Variants in DSE observed in about 807,000 individuals in gnomAD.
DSE encodes the protein dermatan sulfate epimerase.
In DSE, 36 loss-of-function variants were observed where a neutral mutation model predicts 84.4. The observed-to-expected ratio is 0.43, with a 90% CI of 0.33 to 0.56. The LOEUF (loss-of-function observed/expected upper bound fraction) is 0.56, where lower values mean the gene tolerates loss of function less well. Among genes scored for constraint, DSE ranks in the 20% least tolerant of loss-of-function variants. The pLI, the probability that DSE is intolerant of heterozygous loss-of-function variation, is 0.06. For synonymous variants in DSE, 410 were observed against 430.1 expected (o/e 0.95, Z 0.58); for missense variants, 862 against 1,169.6 (o/e 0.74, Z 3.84).
intron 2 of DSE, among the ~76,000 whole-genome samples, chr6:116,364,115 T>C (rs761389341): frequency 2.0e-5 from 3 of 152,252 alleles, no homozygotes; most frequent in Admixed American, 6.5e-5. Context: ...AGTTTCCTTA[T>C]ACTTTTCTCA....
intron 2 of DSE, among the ~76,000 whole-genome samples, chr6:116,317,023 G>A (rs1161591230): frequency 2.0e-5 from 3 of 152,088 alleles, no homozygotes; most frequent in African/African-American, 7.2e-5. Flanking sequence ...AAATGTGAAG[G>A]GATCCCAGAG....
chr6:116,338,413 G>A (rs918704146), intron 2 of DSE, among the ~76,000 whole-genome samples: 6 of 151,586 alleles, frequency 4.0e-5, no homozygotes, highest in Non-Finnish European at 7.4e-5. Flanking sequence ...TAGTAGAGAC[G>A]GGGTTTCACT....
intron 3 of DSE, among the ~76,000 whole-genome samples, chr6:116,430,417 A>AT (rs1231019300): frequency 1.2e-4 from 19 of 152,272 alleles, no homozygotes; most frequent in Admixed American, 1.2e-3. Context: ...AAAAATCTTA[A>AT]TATACAAATC....
chr6:116,318,499 C>CT (rs1379375016), intron 2 of DSE, among the ~76,000 whole-genome samples: 2 of 87,262 alleles, frequency 2.3e-5, no homozygotes, highest in East Asian at 6.4e-4. Flanking sequence ...GAGATTCCAT[C>CT]TCAAAAGAAA....
intron 1 of DSE, chr6:116,255,806 C>T (rs1772118906): frequency 6.6e-6 from 1 of 152,110 alleles, no homozygotes; most frequent in Non-Finnish European, 1.5e-5. Context: ...GTTACTTTTC[C>T]ATGCAGCAGG....
chr6:116,426,461 C>T, intron 2 of DSE, 113 bp from the exon 3 acceptor site: 1 of 1,412,432 alleles, frequency 7.1e-7, no homozygotes, highest in Non-Finnish European at 9.5e-7. Context: ...TCATTAAGCC[C>T]TTGGATTATA....
At chr6:116,263,076 A>C (rs1772480804) in intron 2 of DSE, among the ~76,000 whole-genome samples, 1 of 152,192 alleles carries the variant, frequency 6.6e-6, no homozygotes, top group South Asian at 2.1e-4. Flanking sequence ...GAATGAGAAG[A>C]ATGTATATTC....
At chr6:116,420,817 C>T (rs1436072224) in intron 2 of DSE, among the ~76,000 whole-genome samples, 1 of 152,068 alleles carries the variant, frequency 6.6e-6, no homozygotes, top group African/African-American at 2.4e-5. Context: ...CAAATCTATA[C>T]CAATAAAAAT....
At chr6:116,397,447 C>T (rs1350212468) in intron 1 of DSE, among the ~76,000 whole-genome samples, 2 of 151,980 alleles carry the variant, frequency 1.3e-5, no homozygotes, top group Non-Finnish European at 2.9e-5. Context: ...CCTCAAGGGG[C>T]CCGCCCGCCT....
rs949764077 is a variant in DSE, at chr6:116,407,893, G to C, written c.416+8227G>C. Reference sequence around the variant, plus strand: ...TAGGTATTTATGTGTGGTCTTCCCAGTGGTCCAGTTGGACCATGTGGCACT... The same window carrying C: ...TAGGTATTTATGTGTGGTCTTCCCACTGGTCCAGTTGGACCATGTGGCACT... On this transcript the variant is annotated intron_variant, in intron 2 of 5. Transcript: ENST00000644252. Among the ~76,000 whole-genome samples, 4 of 152,166 alleles carry C rather than the reference G, an allele frequency of 2.6e-5. No individual in the cohort carries two copies. In the South Asian group the frequency reaches 6.2e-4, roughly 24 times the overall value.
At chr6:116,287,493 T>C (rs1370001736) in intron 2 of DSE, among the ~76,000 whole-genome samples, 1 of 152,146 alleles carries the variant, frequency 6.6e-6, no homozygotes. Flanking sequence ...TTCTTGGTGA[T>C]ACTTAAATAA....
intron 2 of DSE, among the ~76,000 whole-genome samples, chr6:116,319,122 TTA>T (rs1280622346): frequency 2.0e-5 from 3 of 152,224 alleles, no homozygotes; most frequent in Non-Finnish European, 2.9e-5. Context: ...TACTATCCAT[TTA>T]TTTTCAAGAT....
At chr6:116,351,889 C>T (rs561233734) in intron 2 of DSE, among the ~76,000 whole-genome samples, 145 of 152,246 alleles carry the variant, frequency 9.5e-4, no homozygotes, top group African/African-American at 3.4e-3. Flanking sequence ...AATATTTATC[C>T]CAACTTTGGT....
intron 2 of DSE, chr6:116,277,233 GCTGT>G (rs931116454): frequency 1.4e-4 from 21 of 152,714 alleles, no homozygotes; most frequent in South Asian, 4.1e-4. Flanking sequence ...TCAAAGTTGC[GCTGT>G]CTTTCTTTAA....
At chr6:116,340,019 G>T (rs931537165) in intron 2 of DSE, among the ~76,000 whole-genome samples, 1 of 152,152 alleles carries the variant, frequency 6.6e-6, no homozygotes, top group South Asian at 2.1e-4. Flanking sequence ...TGAGAAAAAG[G>T]ATTGAGGAAG....
chr6:116,337,820 A>T (rs1477702388), intron 2 of DSE, among the ~76,000 whole-genome samples: 4 of 152,186 alleles, frequency 2.6e-5, no homozygotes, highest in Non-Finnish European at 5.9e-5. Flanking sequence ...GACCATTATT[A>T]GTAAGCAAAA....
intron 2 of DSE, among the ~76,000 whole-genome samples, chr6:116,411,195 A>T (rs528388873): frequency 4.6e-4 from 70 of 152,142 alleles, no homozygotes; most frequent in Non-Finnish European, 9.4e-4. Flanking sequence ...TGTCTCAGTC[A>T]TAAAAAAATA....
In DSE at chr6:116,444,400, T is replaced by G. The variant is rs1474537646; in HGVS notation, c.*7055T>G. 6.6e-6 allele frequency: 1 copy of G among 152,132 alleles called. No homozygotes were observed. The highest frequency in any genetic ancestry group is 2.4e-5 in the African/African-American group (1 of 41,392). 9.4% of individuals were successfully genotyped at this position (152,132 alleles called of 1,614,324 possible). A position where few individuals can be genotyped will look rare whatever the true frequency, so the allele number is the denominator to read the frequency against. ...ATGGTTCTTACACAGTGCCTGGCAT[T>G]CAAAAAATGCATTCAGAAAAATTTG... On this transcript the variant is annotated 3_prime_UTR_variant, in exon 6 of 6. Coordinates refer to ENST00000644252, the MANE Select transcript of DSE (RefSeq NM_013352.4).
rs1783960826 is a variant in DSE at position 116,433,339 on chromosome 6, C to T, written c.911-4C>T. 6.4e-7 allele frequency: 1 copy of T among 1,550,612 alleles called. No individual in the cohort carries two copies. Among genetic ancestry groups the T allele is most frequent in the Non-Finnish European group, 8.7e-7 (1 of 1,146,790 alleles). On this transcript the variant is annotated splice_polypyrimidine_tract_variant and splice_region_variant and intron_variant, in intron 4 of 5. Transcript: ENST00000644252. The stretch of plus-strand genomic sequence containing the variant: ...TCTTAATTCTTTCCAACTTATTTCC[C>T]TAGGGTTTCAAAGGACTGTGGCTAT...
Sources: gnomAD v4.1 joint callset for allele counts (sites outside exome capture counted in the v4.1 genomes callset) on GRCh38, gnomAD v4.1.1 for gene constraint, MANE v1.5 for transcripts, NCBI Gene and HGNC (gene_info 2026-07-23, HGNC 2026-07-21) for gene names.